AFG3L2: variants seen among roughly 807,000 people sequenced by gnomAD.
The protein encoded by AFG3L2 is AFG3 like matrix AAA peptidase subunit 2.
Under a neutral mutation model 94.5 loss-of-function variants are expected in AFG3L2, and 54 were observed. That is an observed-to-expected ratio of 0.57 (90% CI 0.46 to 0.72). The LOEUF (loss-of-function observed/expected upper bound fraction) is 0.72, where lower values mean the gene tolerates loss of function less well. Among genes scored for constraint, AFG3L2 ranks in the 30% least tolerant of loss-of-function variants. The pLI is 0.00. For synonymous variants in AFG3L2, 377 were observed against 365.5 expected (o/e 1.03, Z -0.36); for missense variants, 754 against 994.9 (o/e 0.76, Z 3.26).
intron 3 of AFG3L2, among the ~76,000 whole-genome samples, chr18:12,369,453 C>T (rs1908909055): frequency 6.6e-6 from 1 of 152,158 alleles, no homozygotes; most frequent in African/African-American, 2.4e-5. Flanking sequence ...TCCTCGAGGC[C>T]AGGTGCAGTG....
At chr18:12,332,492 A>G (rs991714901) in intron 16 of AFG3L2, among the ~76,000 whole-genome samples, 2 of 152,116 alleles carry the variant, frequency 1.3e-5, no homozygotes, top group Admixed American at 1.3e-4. Flanking sequence ...AAATTATGAA[A>G]GTTTTGTCTT....
chr18:12,371,809 G>A (rs1252985610), intron 1 of AFG3L2, 118 bp from the exon 2 acceptor site: 1 of 824,414 alleles, frequency 1.2e-6, no homozygotes, highest in Non-Finnish European at 2.0e-6. Flanking sequence ...TGGTTATGAA[G>A]TAACACAGAA....
chr18:12,357,182 C>T (rs905068649), intron 8 of AFG3L2, among the ~76,000 whole-genome samples: 1 of 151,948 alleles, frequency 6.6e-6, no homozygotes, highest in Non-Finnish European at 1.5e-5. Flanking sequence ...AAGAAGACAC[C>T]AACACCACAC....
In AFG3L2 at chr18:12,362,104, AT is replaced by A. The variant is rs570929428; in HGVS notation, c.627+1677del. On this transcript the variant is annotated intron_variant, in intron 6 of 16. Transcript: ENST00000269143. ...TCAAGTTTTAATAGCTTTCTAGACA[AT>A]TTTTATGCACACTAAAATTTGAAAA... Among the ~76,000 whole-genome samples, 423 of 152,318 alleles carry A rather than the reference AT, an allele frequency of 2.8e-3. 1 individual carries two copies. Among genetic ancestry groups the A allele is most frequent in the African/African-American group, 9.8e-3 (409 of 41,562 alleles).
In AFG3L2 at chr18:12,358,827, C is replaced by T. The variant is rs534930122; in HGVS notation, c.869G>A (p.Ser290Asn). 2.5e-6 allele frequency: 4 copies of T among 1,614,278 alleles called. No individual in the cohort carries two copies. The highest frequency in any genetic ancestry group is 2.7e-5 in the African/African-American group (2 of 75,078). ...RTGRGMGGLF[S>N]VGETTAKVLK... ...GACCTTGGCAGTGGTTTCTCCGACA[C>T]TGAAGAGTCCGCCCATCCCTCGGCC... Residue 290 changes from serine (S) to asparagine (N), a missense_variant, in exon 8 of 17, where the codon AGT becomes AAT. Physicochemically the swap from Ser to Asn is conservative, Grantham distance 46 (BLOSUM62 1). Transcript: ENST00000269143.
At position 12,367,058 on chromosome 18, in the gene AFG3L2, G is replaced by C. The variant is rs767215960; in HGVS notation, c.459C>G (p.Phe153Leu). The C allele has an allele frequency of 2.5e-6, 4 of 1,614,192 alleles. No individual in the cohort carries two copies. Among genetic ancestry groups the C allele is most frequent in the Non-Finnish European group, 3.4e-6 (4 of 1,180,026 alleles). Residue 153 changes from phenylalanine (F) to leucine (L), a missense_variant, in exon 5 of 17, where the codon TTC (phenylalanine) becomes TTG (leucine). Phe to Leu is a conservative substitution (Grantham distance 22). Coordinates refer to ENST00000269143, the MANE Select transcript of AFG3L2 (RefSeq NM_006796.3). ...FRMFFLWTALFWGGVMFYLLL... is the reference protein window; with the variant it reads ...FRMFFLWTALLWGGVMFYLLL... ...GCAAGTAAAACATGACTCCACCCCAGAACAGAGCAGTCCAGAGGAAGAACA... is the reference window on the plus strand; with the variant it reads ...GCAAGTAAAACATGACTCCACCCCACAACAGAGCAGTCCAGAGGAAGAACA...
intron 7 of AFG3L2, 136 bp downstream of exon 7, chr18:12,359,791 T>A: frequency 8.7e-7 from 1 of 1,143,928 alleles, no homozygotes; most frequent in South Asian, 1.4e-5. Context: ...GAGTTACTAA[T>A]AGTTTTTTAA....
chr18:12,344,281 TGTTA>T, intron 13 of AFG3L2, 34 bp from the exon 14 acceptor site: 1 of 1,540,682 alleles, frequency 6.5e-7, no homozygotes, highest in Non-Finnish European at 9.0e-7. Context: ...CCCAAGCCAT[TGTTA>T]CAGTGACACT....
intron 13 of AFG3L2, among the ~76,000 whole-genome samples, chr18:12,344,480 G>T (rs186150178): frequency 1.5e-3 from 227 of 152,162 alleles, no homozygotes; most frequent in Non-Finnish European, 2.7e-3. Flanking sequence ...TTCGAGACCA[G>T]CCTGGCCAAC....
intron 1 of AFG3L2, among the ~76,000 whole-genome samples, chr18:12,372,875 G>T (rs1027707036): frequency 1.3e-5 from 2 of 152,202 alleles, no homozygotes; most frequent in African/African-American, 4.8e-5. Context: ...TAGAGTTGGG[G>T]GAATGATTAC....
At chr18:12,347,009 T>C (rs191986106) in intron 13 of AFG3L2, among the ~76,000 whole-genome samples, 1,726 of 150,634 alleles carry the variant, frequency 0.011, 35 homozygotes, top group African/African-American at 0.039. Flanking sequence ...TGGTGGCAGG[T>C]GCCTGTAATA....
In AFG3L2 at chr18:12,344,149, C is replaced by T. The variant is rs374828650; in HGVS notation, c.1762G>A (p.Ala588Thr). 238 of 1,613,378 alleles carry T rather than the reference C, an allele frequency of 1.5e-4. No individual in the cohort carries two copies. The highest frequency in any genetic ancestry group is 1.9e-4 in the Non-Finnish European group (230 of 1,179,998). Residue 588 changes from alanine (A) to threonine (T), a missense_variant, in exon 14 of 17, where the codon GCA becomes ACA. By Grantham distance (58) the Ala-to-Thr change is moderately conservative. This residue lies in a region of AFG3L2 where 279 missense variants were observed against 378.6 expected (regional missense o/e 0.74). Coordinates refer to ENST00000269143, the MANE Select transcript of AFG3L2 (RefSeq NM_006796.3). ...HAVAGWYLEH[A>T]DPLLKVSIIP... ...TGCTTCACCTTTAAAAGCGGGTCTG[C>T]GTGCTCCAGATACCAGCCGGCAACC...
chr18:12,371,002 A>C (rs767981061), intron 2 of AFG3L2, 76 bp from the exon 3 acceptor site: 34 of 922,310 alleles, frequency 3.7e-5, no homozygotes, highest in Non-Finnish European at 5.7e-5. Flanking sequence ...TTTTCAAAGC[A>C]GCTGATGCAT....
rs191150483 is a variant in AFG3L2 at position 12,364,264 on chromosome 18, G to A, written c.553-408C>T. ...CTGACACTTCCGTGCTGCAGGGTAC[G>A]CCATGCTATGACCACACCCAAGGTA... is the stretch of plus-strand genomic sequence containing the variant. On this transcript the variant is annotated intron_variant, in intron 5 of 16. Coordinates refer to ENST00000269143, the MANE Select transcript of AFG3L2 (RefSeq NM_006796.3). Among the ~76,000 whole-genome samples, 38 of 152,232 alleles carry A rather than the reference G, an allele frequency of 2.5e-4. No homozygotes were observed. In the South Asian group the frequency reaches 4.6e-3, roughly 18 times the overall value.
intron 12 of AFG3L2, 68 bp from the exon 13 acceptor site, chr18:12,348,451 A>T: frequency 8.5e-7 from 1 of 1,181,760 alleles, no homozygotes; most frequent in Non-Finnish European, 1.3e-6. Flanking sequence ...CACAATATGG[A>T]CAGCCAAATC....
At chr18:12,332,388 T>C (rs1006264133) in intron 16 of AFG3L2, among the ~76,000 whole-genome samples, 14 of 152,160 alleles carry the variant, frequency 9.2e-5, no homozygotes, top group African/African-American at 2.9e-4. Flanking sequence ...GATAAGCCAC[T>C]GCACCTGGCC....
intron 5 of AFG3L2, among the ~76,000 whole-genome samples, chr18:12,366,540 T>C (rs912114622): frequency 5.9e-5 from 9 of 151,970 alleles, no homozygotes; most frequent in African/African-American, 2.2e-4. Context: ...CTAAATGTAG[T>C]AAAGACCCAC....
chr18:12,367,358 C>A lies in AFG3L2; in HGVS notation c.317G>T (p.Arg106Leu). 6.2e-7 allele frequency: 1 copy of A among 1,614,182 alleles called. No individual in the cohort carries two copies. The highest frequency in any genetic ancestry group is 1.1e-5 in the South Asian group (1 of 91,084). ...GCCACCACCTCCTCCTCCAGAAGAG[C>A]GTGTGGTAGCAGCTGGCTTTGATTC... ...KKESKPAATT[R>L]SSGGGGGGGG... The change falls in exon 4 of 17, where the codon CGC (arginine) becomes CTC (leucine). Residue 106 changes from arginine to leucine, a missense_variant. Physicochemically the swap from Arg to Leu is moderately radical, Grantham distance 102 (BLOSUM62 -2). Coordinates refer to ENST00000269143, the MANE Select transcript of AFG3L2 (RefSeq NM_006796.3).
In AFG3L2 at chr18:12,371,673, TTGTA is replaced by T; in HGVS notation, c.129_132del (p.Thr44LeufsTer11). On this transcript the variant is annotated frameshift_variant, in exon 2 of 17. Transcript: ENST00000269143. LOFTEE classifies it high-confidence loss of function. ...GAATTTCTGCTGGCCCTTGCTTGAG[TTGTA>T]ACAAATCGGTAAAGCTGCAACAAGA... 2 of 1,613,978 alleles carry T rather than the reference TTGTA, an allele frequency of 1.2e-6. No homozygotes were observed. The highest frequency in any genetic ancestry group is 1.7e-6 in the Non-Finnish European group (2 of 1,179,988).
Sources: allele counts gnomAD v4.1 joint callset (sites outside exome capture counted in the v4.1 genomes callset), GRCh38; gene constraint gnomAD v4.1.1; regional missense constraint gnomAD v4.1.1; transcripts MANE v1.5; gene names NCBI Gene and HGNC (gene_info 2026-07-23, HGNC 2026-07-21).